The following PCDH7 variants were observed in gnomAD, a reference collection of about 807,000 sequenced individuals.
PCDH7 encodes protocadherin 7, also known as protocadherin-7.
In PCDH7, 17 loss-of-function variants were observed where a neutral mutation model predicts 58.9. The ratio of observed to expected loss-of-function variants is 0.29; its 90% CI spans 0.20 to 0.43. PCDH7 has a LOEUF of 0.43. PCDH7 is among the 20% of genes least tolerant of loss of function. The pLI is 1.00. For synonymous variants in PCDH7, 664 were observed against 616.4 expected (o/e 1.08, Z -1.14); for missense variants, 1,274 against 1,441.0 (o/e 0.88, Z 1.88).
chr4:30,955,531 A>G (rs902253412), intron 3 of PCDH7, among the ~76,000 whole-genome samples: 1 of 150,714 alleles, frequency 6.6e-6, no homozygotes, highest in African/African-American at 2.4e-5. Context: ...ATTTCATTTT[A>G]TTTTATTTCA....
intron 2 of PCDH7, among the ~76,000 whole-genome samples, chr4:30,942,672 A>G (rs2109437872): frequency 1.3e-5 from 2 of 152,162 alleles, no homozygotes; most frequent in African/African-American, 2.4e-5. Context: ...TTGATTAGTA[A>G]ACTTTATGAG....
At chr4:31,036,933 TA>T (rs1755458668) in intron 3 of PCDH7, among the ~76,000 whole-genome samples, 1 of 152,154 alleles carries the variant, frequency 6.6e-6, no homozygotes, top group Non-Finnish European at 1.5e-5. Context: ...CTCCCCTTTA[TA>T]AAACCATCAC....
At chr4:30,786,609 T>C (rs547509026) in intron 1 of PCDH7, 1 of 185,414 alleles carries the variant, frequency 5.4e-6, no homozygotes, top group South Asian at 1.8e-4. Flanking sequence ...TGCAAATACA[T>C]CTTAAAGAAG....
chr4:30,821,889 A>G (rs950437784), intron 1 of PCDH7, among the ~76,000 whole-genome samples: 8 of 152,310 alleles, frequency 5.3e-5, no homozygotes, highest in African/African-American at 1.9e-4. Context: ...GAATAGAAAC[A>G]GTGGGAAGGA....
rs1225039222 is a variant in PCDH7, at chr4:30,721,788, C to A, written c.366C>A (p.Ser122Arg). 5 of 1,613,294 alleles carry A rather than the reference C, an allele frequency of 3.1e-6. No homozygotes were observed. Among genetic ancestry groups the A allele is most frequent in the Non-Finnish European group, 3.4e-6 (4 of 1,179,798 alleles). Reference sequence around the variant, plus strand: ...TGTCGGTGATCGGGCCCTCGCAGAGCTGGGTGGACCTGTTTGAGGGTCAGG... The same window carrying A: ...TGTCGGTGATCGGGCCCTCGCAGAGATGGGTGGACCTGTTTGAGGGTCAGG... Residue 122 changes from serine (S) to arginine (R), a missense_variant, in exon 1 of 2, where the codon AGC (serine) becomes AGA (arginine). Physicochemically the swap from Ser to Arg is moderately radical, Grantham distance 110. Transcript: ENST00000361762. The surrounding 1 kb of genome is among the most constrained non-coding windows in gnomAD (Gnocchi z 6.7).
chr4:30,932,645 G>T (rs2109427651), intron 2 of PCDH7, among the ~76,000 whole-genome samples: 1 of 152,206 alleles, frequency 6.6e-6, no homozygotes, highest in African/African-American at 2.4e-5. Flanking sequence ...ACTCCCCATT[G>T]TCCTGGAACA....
Position 30,722,626 on chromosome 4 carries a change from G to A in PCDH7, c.1204G>A (p.Val402Ile). 6.2e-7 allele frequency: 1 copy of A among 1,613,416 alleles called. No homozygotes were observed. The highest frequency in any genetic ancestry group is 8.5e-7 in the Non-Finnish European group (1 of 1,180,040). ...CCCCAAGACCGACAAGGCCACCGTGGTCCTTAACATCAAAGACGAGAACGA... is the reference window on the plus strand; with the variant it reads ...CCCCAAGACCGACAAGGCCACCGTGATCCTTAACATCAAAGACGAGAACGA... Residue 402 changes from valine (V) to isoleucine (I), a missense_variant, in exon 1 of 2, where the codon GTC becomes ATC. By Grantham distance (29) the Val-to-Ile change is conservative. Coordinates refer to ENST00000361762, the Ensembl canonical transcript of PCDH7. The surrounding 1 kb of genome is among the most constrained non-coding windows in gnomAD (Gnocchi z 7.6).
At chr4:31,032,410 C>T (rs148438079) in intron 3 of PCDH7, among the ~76,000 whole-genome samples, 1 of 152,034 alleles carries the variant, frequency 6.6e-6, no homozygotes, top group African/African-American at 2.4e-5. Context: ...ATGTTGGATA[C>T]CAAACTGGCC....
chr4:31,067,919 C>T (rs951623510), intron 3 of PCDH7, among the ~76,000 whole-genome samples: 7 of 151,892 alleles, frequency 4.6e-5, no homozygotes, highest in African/African-American at 1.7e-4. Context: ...ATATTTTAAG[C>T]TTCAGATTTC....
intron 1 of PCDH7, among the ~76,000 whole-genome samples, chr4:30,779,509 T>C (rs1048512739): frequency 3.3e-5 from 5 of 152,224 alleles, no homozygotes; most frequent in Non-Finnish European, 5.9e-5. Context: ...TTTTTGAAGC[T>C]GGTAAACCAC....
At chr4:31,029,850 G>A (rs1468940456) in intron 3 of PCDH7, among the ~76,000 whole-genome samples, 2 of 152,076 alleles carry the variant, frequency 1.3e-5, no homozygotes, top group Non-Finnish European at 1.5e-5. Context: ...CACTAGTCTA[G>A]GCCTCAGTCT....
At chr4:30,931,019 A>G (rs996437098) in intron 2 of PCDH7, among the ~76,000 whole-genome samples, 1 of 152,228 alleles carries the variant, frequency 6.6e-6, no homozygotes, top group African/African-American at 2.4e-5. Context: ...AGAAGTTAGC[A>G]TTGGGAAAGT....
intron 1 of PCDH7, among the ~76,000 whole-genome samples, chr4:30,865,197 G>A (rs1440165063): frequency 1.3e-5 from 2 of 152,078 alleles, no homozygotes; most frequent in Non-Finnish European, 2.9e-5. Flanking sequence ...AAAAAAGGCT[G>A]AAGATTTCAA....
At chr4:31,015,731 A>C (rs1753557246) in intron 3 of PCDH7, among the ~76,000 whole-genome samples, 1 of 152,178 alleles carries the variant, frequency 6.6e-6, no homozygotes, top group African/African-American at 2.4e-5. Flanking sequence ...ACTTTATATC[A>C]TAAAGTCTCT....
intron 3 of PCDH7, among the ~76,000 whole-genome samples, chr4:31,057,966 G>A (rs944775856): frequency 3.9e-5 from 6 of 152,022 alleles, no homozygotes; most frequent in Non-Finnish European, 7.4e-5. Context: ...ATCTTCTAGT[G>A]GATGCTCACA....
chr4:30,737,222 TA>T (rs1176315885), downstream of PCDH7, among the ~76,000 whole-genome samples: 1 of 152,154 alleles, frequency 6.6e-6, no homozygotes, highest in African/African-American at 2.4e-5. Flanking sequence ...TGACAGGGTT[TA>T]TGGGAGTCAT....
intron 3 of PCDH7, among the ~76,000 whole-genome samples, chr4:31,084,752 G>T (rs1470380550): frequency 9.6e-6 from 1 of 104,546 alleles, no homozygotes; most frequent in African/African-American, 3.6e-5. Context: ...ATGAGGGAGG[G>T]GAGGGGAGGA....
chr4:30,954,486 T>A (rs1747657250), intron 3 of PCDH7, among the ~76,000 whole-genome samples: 1 of 152,144 alleles, frequency 6.6e-6, no homozygotes, highest in African/African-American at 2.4e-5. Flanking sequence ...TTTTTGACAT[T>A]CAGTTACCAA....
At chr4:31,041,857 T>G (rs1755896185) in intron 3 of PCDH7, among the ~76,000 whole-genome samples, 1 of 152,150 alleles carries the variant, frequency 6.6e-6, no homozygotes. Flanking sequence ...GAGGAATAAA[T>G]GTCATCCAAG....
Sources: gnomAD v4.1 joint callset for allele counts (sites outside exome capture counted in the v4.1 genomes callset) on GRCh38, gnomAD v4.1.1 for gene constraint, Gnocchi (gnomAD v3.1) non-coding constraint, MANE v1.5 for transcripts, NCBI Gene and HGNC (gene_info 2026-07-23, HGNC 2026-07-21) for gene names.